TADA2A: variants seen among roughly 807,000 people sequenced by gnomAD.
The protein encoded by TADA2A is transcriptional adaptor 2A, also known as transcriptional adapter 2-alpha.
TADA2A carries 38 observed loss-of-function variants against 67.4 expected under a neutral mutation model. That is an observed-to-expected ratio of 0.56 (90% confidence interval 0.44 to 0.74). The LOEUF (loss-of-function observed/expected upper bound fraction) is 0.74, where lower values mean the gene tolerates loss of function less well. Among genes scored for constraint, TADA2A ranks in the 30% least tolerant of loss-of-function variants. The probability of loss-of-function intolerance (pLI) is 0.00; values close to 1 mark genes in which losing one functional copy is unlikely to be tolerated. For missense variants in TADA2A, 454 were observed against 547.0 expected, an observed-to-expected ratio of 0.83 and a Z score of 1.70; for synonymous variants, 192 against 181.6, an observed-to-expected ratio of 1.06 and a Z score of -0.46.
chr17:37,412,044 A>G (rs907503539), intron 2 of TADA2A, among the ~76,000 whole-genome samples: 1 of 151,316 alleles, frequency 6.6e-6, no homozygotes, highest in Non-Finnish European at 1.5e-5. Context: ...TCCCGTCTCC[A>G]GTAAAAAATA....
chr17:37,407,128 G>C (rs1227301165), intron 1 of TADA2A, 179 bp downstream of exon 1: 1 of 147,494 alleles, frequency 6.8e-6, no homozygotes, highest in Non-Finnish European at 1.5e-5. Context: ...GCAGCGGCGG[G>C]CCTCGCCGCT....
intron 5 of TADA2A, 160 bp downstream of exon 5, chr17:37,437,989 C>T: frequency 1.5e-6 from 1 of 660,092 alleles, no homozygotes; most frequent in East Asian, 2.7e-5. Flanking sequence ...CATTATTTTT[C>T]CAGTGTCGAA....
At chr17:37,472,993 C>T (rs2053822353) in intron 14 of TADA2A, among the ~76,000 whole-genome samples, 1 of 151,858 alleles carries the variant, frequency 6.6e-6, no homozygotes, top group Non-Finnish European at 1.5e-5. Context: ...ACAGGGTCTC[C>T]CTCTACTATC....
At position 37,426,967 on chromosome 17, in the gene TADA2A, T is replaced by G; in HGVS notation, c.150T>G (p.Phe50Leu). ...FLCLQCFTRG[F>L]EYKKHQSDHT... is the part of the protein sequence containing the mutation. The stretch of plus-strand genomic sequence containing the variant: ...CTTTGCAGTGTTTCACTCGAGGCTT[T>G]GAGTACAAGAAACATCAAAGCGATC... Residue 50 changes from phenylalanine (F) to leucine (L), a missense_variant, in exon 4 of 16, where the codon TTT becomes TTG. Physicochemically the swap from Phe to Leu is conservative, Grantham distance 22. Coordinates refer to ENST00000615182, the MANE Select transcript of TADA2A (RefSeq NM_001166105.3). 1 of 1,598,894 alleles carries G rather than the reference T, an allele frequency of 6.3e-7. No homozygotes were observed. The highest frequency in any genetic ancestry group is 8.5e-7 in the Non-Finnish European group (1 of 1,175,994).
chr17:37,439,938 ATTTATTATTTTT>A (rs1225589948), intron 5 of TADA2A, among the ~76,000 whole-genome samples: 6 of 105,726 alleles, frequency 5.7e-5, no homozygotes, highest in South Asian at 2.9e-4. Context: ...TTATTTATTT[ATTTATTATTTTT>A]TTTTTTTTTT....
intron 8 of TADA2A, among the ~76,000 whole-genome samples, chr17:37,452,843 T>C (rs191247948): frequency 2.6e-4 from 39 of 152,360 alleles, no homozygotes; most frequent in Non-Finnish European, 4.7e-4. Flanking sequence ...GAATTATTTT[T>C]AGTTTGTGGG....
rs1346310992 is a variant in TADA2A, at chr17:37,420,820, C to G, written c.26-2689C>G. On this transcript the variant is annotated intron_variant, in intron 2 of 15. Coordinates refer to ENST00000615182, the MANE Select transcript of TADA2A (RefSeq NM_001166105.3). The stretch of plus-strand genomic sequence containing the variant: ...GTTACAGAATGTGAGAAATCCTGTT[C>G]CAGGCTGAACAAATTAAATTCCTTC... 3.4e-5 allele frequency among the ~76,000 whole-genome samples: 5 copies of G among 146,856 alleles called. 1 individual carries two copies. In the Admixed American group the frequency reaches 3.4e-4, roughly 10 times the overall value.
intron 4 of TADA2A, among the ~76,000 whole-genome samples, chr17:37,432,060 T>TA (rs1205748253): frequency 1.3e-5 from 2 of 152,170 alleles, no homozygotes; most frequent in African/African-American, 4.8e-5. Flanking sequence ...TTTTTTTTTT[T>TA]ATCAGCGTAG....
chr17:37,435,383 G>T (rs1393652063), intron 4 of TADA2A, among the ~76,000 whole-genome samples: 1 of 152,134 alleles, frequency 6.6e-6, no homozygotes, highest in East Asian at 1.9e-4. Context: ...CCACCTCCCG[G>T]GTTCACGCCA....
chr17:37,445,292 GTCTCACTC>G (rs2053043469), intron 8 of TADA2A, among the ~76,000 whole-genome samples: 1 of 152,178 alleles, frequency 6.6e-6, no homozygotes, highest in East Asian at 1.9e-4. Context: ...TTGAGACGGA[GTCTCACTC>G]TGTTACACAG....
At chr17:37,470,264 G>T (rs2148043699) in intron 12 of TADA2A, 136 bp from the exon 13 acceptor site, 2 of 978,986 alleles carry the variant, frequency 2.0e-6, no homozygotes, top group East Asian at 2.7e-5. Flanking sequence ...GGGTCTTGGA[G>T]AAATAATTGT....
chr17:37,473,175 A>G (rs1160069946), intron 14 of TADA2A, among the ~76,000 whole-genome samples: 1 of 124,528 alleles, frequency 8.0e-6, no homozygotes, highest in Non-Finnish European at 1.6e-5. Flanking sequence ...GTCTTACTAT[A>G]TCACCCAGGT....
chr17:37,416,214 G>A (rs1363949442), intron 2 of TADA2A, among the ~76,000 whole-genome samples: 3 of 151,106 alleles, frequency 2.0e-5, no homozygotes, highest in African/African-American at 7.3e-5. Flanking sequence ...TGTCTCCCGG[G>A]TTCAAGCGAT....
At chr17:37,439,627 C>T (rs1457662704) in intron 5 of TADA2A, among the ~76,000 whole-genome samples, 2 of 152,006 alleles carry the variant, frequency 1.3e-5, no homozygotes, top group African/African-American at 4.8e-5. Flanking sequence ...CTCATTTTTC[C>T]TTCTTTGAAA....
intron 2 of TADA2A, among the ~76,000 whole-genome samples, chr17:37,418,746 C>T (rs531485545): frequency 1.3e-5 from 2 of 152,064 alleles, no homozygotes; most frequent in South Asian, 4.2e-4. Flanking sequence ...CCCACCACCA[C>T]ATCCAGCTAA....
At chr17:37,410,340 CTT>C (rs35659950) in intron 1 of TADA2A, among the ~76,000 whole-genome samples, 3,269 of 142,322 alleles carry the variant, frequency 0.023, 57 homozygotes, top group East Asian at 0.08. Flanking sequence ...ACCCGGCTAA[CTT>C]TTTTTTTTTT....
chr17:37,418,736 C>T (rs953036965), intron 2 of TADA2A, among the ~76,000 whole-genome samples: 2 of 151,712 alleles, frequency 1.3e-5, no homozygotes, highest in African/African-American at 4.8e-5. Flanking sequence ...GGATTAGGCG[C>T]CCACCACCAC....
intron 4 of TADA2A, among the ~76,000 whole-genome samples, chr17:37,433,863 A>G (rs1260495807): frequency 6.6e-6 from 1 of 152,002 alleles, no homozygotes; most frequent in East Asian, 1.9e-4. Flanking sequence ...CTGAGGCAGG[A>G]GAGTCGCTTG....
intron 3 of TADA2A, among the ~76,000 whole-genome samples, chr17:37,425,547 T>C (rs1405759109): frequency 6.6e-6 from 1 of 152,190 alleles, no homozygotes; most frequent in Non-Finnish European, 1.5e-5. Context: ...TAAGACACCA[T>C]TGATTATAAG....
Sources: allele counts gnomAD v4.1 joint callset (sites outside exome capture counted in the v4.1 genomes callset), GRCh38; gene constraint gnomAD v4.1.1; transcripts MANE v1.5; gene names NCBI Gene and HGNC (gene_info 2026-07-23, HGNC 2026-07-21).